Variants in C5 observed in about 807,000 individuals in gnomAD.
C5 encodes the protein complement C5.
A neutral mutation model predicts 218.8 loss-of-function variants in C5; 140 were observed. The ratio of observed to expected loss-of-function variants is 0.64; its 90% CI spans 0.56 to 0.74. The LOEUF is 0.74. C5 is among the 30% of genes least tolerant of loss of function. The pLI is 0.00. For missense variants in C5, 1,700 were observed against 1,969.6 expected (o/e 0.86, Z 2.59); for synonymous variants, 614 against 682.3 (o/e 0.90, Z 1.56).
chr9:121,028,325 C>A (rs1452934485), intron 7 of C5, among the ~76,000 whole-genome samples: 1 of 152,152 alleles, frequency 6.6e-6, no homozygotes, highest in Non-Finnish European at 1.5e-5. Context: ...ACAATTTGAC[C>A]CAGTGATTCC....
In C5 at chr9:121,013,952, T is replaced by C. The variant is rs1005155931; in HGVS notation, c.2178A>G (p.Lys726=). ...ARISLGPRCI[K]AFTECCVVAS... ...CGACGACACAACATTCAGTGAAAGCTTTGATGCATCTTGGCCCTAAACTAA... is the reference window on the plus strand; with the variant it reads ...CGACGACACAACATTCAGTGAAAGCCTTGATGCATCTTGGCCCTAAACTAA... Residue 726 remains lysine (K), a synonymous_variant, in exon 17 of 41, where the codon AAA becomes AAG. Coordinates refer to ENST00000223642, the MANE Select transcript of C5 (RefSeq NM_001735.3). 1 of 1,614,074 alleles carries C rather than the reference T, an allele frequency of 6.2e-7. No homozygotes were observed. The highest frequency in any genetic ancestry group is 8.5e-7 in the Non-Finnish European group (1 of 1,180,042).
Position 120,974,913 on chromosome 9 carries a change from C to A in C5, c.3883G>T (p.Glu1295Ter), listed in dbSNP as rs1564136490. 1 of 1,614,202 alleles carries A rather than the reference C, an allele frequency of 6.2e-7. No individual in the cohort carries two copies. ...AGGAGTGAATATTCCGTCAGGCCCT[C>A]AATGGCATTGATTGTGTCCTGTCAG... ...YSTQDTINAI[E>*]GLTEYSLLVK... is the part of the protein sequence containing the mutation. Residue 1295 changes from glutamate (E) to a stop codon, truncating the protein, a stop_gained, in exon 30 of 41, where the codon GAG becomes TAG. Transcript: ENST00000223642. LOFTEE classifies it high-confidence loss of function.
rs2047116103 is a variant in C5, at chr9:120,996,288, T to C, written c.2803A>G (p.Lys935Glu). Reference protein sequence around the residue: ...KTLRVVPEGVKRESYSGVTLD... With the variant: ...KTLRVVPEGVERESYSGVTLD... ...GTAACACCAGAATAGCTTTCCCTTTTGACACCTTCTGGCTAAAATAAAGGC... is the reference window on the plus strand; with the variant it reads ...GTAACACCAGAATAGCTTTCCCTTTCGACACCTTCTGGCTAAAATAAAGGC... Residue 935 changes from lysine (K) to glutamate (E), a missense_variant, in exon 22 of 41, where the codon AAA becomes GAA. Coordinates refer to ENST00000223642, the MANE Select transcript of C5 (RefSeq NM_001735.3). 3.7e-6 allele frequency: 6 copies of C among 1,612,322 alleles called. No homozygotes were observed. Among genetic ancestry groups the C allele is most frequent in the Admixed American group, 1.7e-5 (1 of 59,998 alleles).
Position 120,953,720 on chromosome 9 carries a change from G to T in C5, c.4901+10C>A, listed in dbSNP as rs771338438. 6.2e-7 allele frequency: 1 copy of T among 1,613,480 alleles called. No individual in the cohort carries two copies. The highest frequency in any genetic ancestry group is 1.1e-5 in the South Asian group (1 of 91,058). On this transcript the variant is annotated intron_variant, in intron 40 of 40. Transcript: ENST00000223642. ...GGAAGATCAGTGACTGAAAAATATTGGTGACTTACCTGAAACTGAAATTGT... is the reference window on the plus strand; with the variant it reads ...GGAAGATCAGTGACTGAAAAATATTTGTGACTTACCTGAAACTGAAATTGT...
chr9:121,060,787 G>T, the C5 span, among the ~76,000 whole-genome samples: 9 of 151,722 alleles, frequency 5.9e-5, no homozygotes, highest in Non-Finnish European at 1.3e-4. Context: ...TAAAATAATT[G>T]CCCAGCAGCA....
At chr9:120,954,466 TG>T (rs2046770619) in intron 39 of C5, among the ~76,000 whole-genome samples, 1 of 152,366 alleles carries the variant, frequency 6.6e-6, no homozygotes. Flanking sequence ...GTTGGCCTCT[TG>T]AATTTCATTT....
chr9:121,041,475 T>C (rs1214427006), intron 3 of C5, among the ~76,000 whole-genome samples: 1 of 151,746 alleles, frequency 6.6e-6, no homozygotes, highest in Non-Finnish European at 1.5e-5. Flanking sequence ...TGGCTAATTT[T>C]TGTAGTTTTA....
chr9:120,955,552 T>G (rs943185189), intron 39 of C5, among the ~76,000 whole-genome samples: 1 of 152,164 alleles, frequency 6.6e-6, no homozygotes, highest in South Asian at 2.1e-4. Flanking sequence ...GCTCAAAAGT[T>G]GGACTGTGGC....
At chr9:120,980,968 T>TA (rs1457362437) in intron 27 of C5, among the ~76,000 whole-genome samples, 1 of 152,030 alleles carries the variant, frequency 6.6e-6, no homozygotes, top group Non-Finnish European at 1.5e-5. Context: ...GAGTTACACT[T>TA]AAAAAAATAA....
rs1295269630 is a variant in C5, at chr9:121,000,095, G to T, written c.2563-2321C>A. ...AAATGCTGTCAAGTTATATATAATT[G>T]TGTTATTGCAAAGGACATACAAAAG... On this transcript the variant is annotated intron_variant, in intron 20 of 40. Coordinates refer to ENST00000223642, the MANE Select transcript of C5 (RefSeq NM_001735.3). The T allele has an allele frequency of 1.0e-4, 25 of 247,470 alleles. 1 individual carries two copies. The highest frequency in any genetic ancestry group is 9.5e-4 in the South Asian group (25 of 26,432). The allele number at this position is 247,470 out of a possible 1,614,324, so 15.3% of individuals were successfully genotyped here. A position where few individuals can be genotyped will look rare whatever the true frequency, so the allele number is the denominator to read the frequency against.
intron 1 of C5, among the ~76,000 whole-genome samples, chr9:121,048,430 G>A (rs1312157097): frequency 2.6e-5 from 4 of 152,222 alleles, no homozygotes; most frequent in Non-Finnish European, 4.4e-5. Flanking sequence ...CCGCACATGC[G>A]AGGGATCTAG....
Position 121,006,007 on chromosome 9 carries a change from A to C in C5, c.2474T>G (p.Leu825Arg), listed in dbSNP as rs1240011862. Residue 825 changes from leucine (L) to arginine (R), a missense_variant, in exon 20 of 41, where the codon CTG becomes CGG. Leu to Arg is a moderately radical substitution (Grantham distance 102). Transcript: ENST00000223642. ...AACAGAATATGGTATATTCATTTCC[A>C]GGAAGACATCTTTGAACACCTTTGC... ...VKAKVFKDVF[L>R]EMNIPYSVVR... 6.2e-7 allele frequency: 1 copy of C among 1,613,798 alleles called. No individual in the cohort carries two copies. Among genetic ancestry groups the C allele is most frequent in the Non-Finnish European group, 8.5e-7 (1 of 1,179,790 alleles).
chr9:120,980,997 A>G (rs2046988943), intron 27 of C5, among the ~76,000 whole-genome samples: 3 of 152,278 alleles, frequency 2.0e-5, no homozygotes, highest in Non-Finnish European at 4.4e-5. Flanking sequence ...AACAATAAGT[A>G]GCAGAAAGAA....
At chr9:121,054,525 G>C (rs945011731), upstream of C5, among the ~76,000 whole-genome samples, 5 of 152,156 alleles carry the variant, frequency 3.3e-5, no homozygotes, top group Admixed American at 6.5e-5. Context: ...GCTTGAACCT[G>C]GGAGGCAGAG....
intron 22 of C5, among the ~76,000 whole-genome samples, chr9:120,995,571 G>C (rs772746835): frequency 3.3e-5 from 5 of 152,082 alleles, no homozygotes; most frequent in Admixed American, 2.0e-4. Context: ...TTCAAATAAT[G>C]CATGTTAATT....
Position 120,991,329 on chromosome 9 carries a change from G to C in C5, c.2852-49C>G, listed in dbSNP as rs745689536. The C allele has an allele frequency of 2.0e-5, 20 of 984,704 alleles. No homozygotes were observed. In the South Asian group the frequency reaches 2.4e-4, roughly 12 times the overall value. The allele number at this position is 984,704 out of a possible 1,614,324, so 61.0% of individuals were successfully genotyped here. A position where few individuals can be genotyped will look rare whatever the true frequency, so the allele number is the denominator to read the frequency against. On this transcript the variant is annotated intron_variant, in intron 22 of 40. Transcript: ENST00000223642. Reference sequence around the variant, plus strand: ...TATACAGAGTTTCCAGGGGAAGACTGTTTGCAGATTATTTATAATGTATCT... The same window carrying C: ...TATACAGAGTTTCCAGGGGAAGACTCTTTGCAGATTATTTATAATGTATCT...
the C5 span, among the ~76,000 whole-genome samples, chr9:121,066,862 G>GA: frequency 0.76 from 102,570 of 134,802 alleles, 38,997 homozygotes; most frequent in East Asian, 0.94. Flanking sequence ...CTCAAAAAAA[G>GA]AAAAAAAAAA....
chr9:121,019,671 G>A (rs575099246), intron 12 of C5, among the ~76,000 whole-genome samples: 1 of 152,280 alleles, frequency 6.6e-6, no homozygotes, highest in South Asian at 2.1e-4. Context: ...GCTCTCTTTG[G>A]TAAAAAGTGT....
intron 10 of C5, among the ~76,000 whole-genome samples, chr9:121,022,962 C>T (rs1464472347): frequency 2.0e-5 from 3 of 151,834 alleles, no homozygotes; most frequent in Non-Finnish European, 4.4e-5. Flanking sequence ...AACACAGAGA[C>T]AGAGGGAAAC....
Sources: allele counts gnomAD v4.1 joint callset (sites outside exome capture counted in the v4.1 genomes callset), GRCh38; gene constraint gnomAD v4.1.1; transcripts MANE v1.5; gene names NCBI Gene and HGNC (gene_info 2026-07-23, HGNC 2026-07-21).